The following ST8SIA2 variants were observed in gnomAD, a reference collection of about 807,000 sequenced individuals.
ST8SIA2 encodes ST8 alpha-N-acetyl-neuraminide alpha-2,8-sialyltransferase 2, also known as alpha-2,8-sialyltransferase 8B.
Under a neutral mutation model 37.6 loss-of-function variants are expected in ST8SIA2, and 22 were observed. The observed-to-expected ratio is 0.58, with a 90% CI of 0.42 to 0.83. The LOEUF is 0.83. Ranked by LOEUF, ST8SIA2 falls within the 40% of genes least tolerant of loss-of-function variation. The pLI is 0.00. For missense variants in ST8SIA2, 382 were observed against 484.7 expected (o/e 0.79, Z 1.99); for synonymous variants, 205 against 201.2 (o/e 1.02, Z -0.16).
At chr15:92,448,508 C>T (rs1476044753) in intron 5 of ST8SIA2, among the ~76,000 whole-genome samples, 1 of 152,224 alleles carries the variant, frequency 6.6e-6, no homozygotes. Flanking sequence ...GGCACTGTGG[C>T]CTAGCATCAA....
Position 92,393,967 on chromosome 15 carries a change from TGCGCGCG to T in ST8SIA2, c.-89_-83del, listed in dbSNP as rs1167293070. On this transcript the variant is annotated 5_prime_UTR_variant, in exon 1 of 6. Transcript: ENST00000268164. Reference sequence around the variant, plus strand: ...CCGGAGCGCAGGGTGTCTGCCCAGCTGCGCGCGGCGCGCGGAGGCTCCGGCGTCCGCC... The same window carrying T: ...CCGGAGCGCAGGGTGTCTGCCCAGCTGCGCGCGGAGGCTCCGGCGTCCGCC... The T allele has an allele frequency of 1.3e-6, 1 of 753,386 alleles. No individual in the cohort carries two copies. 46.7% of individuals were successfully genotyped at this position (753,386 alleles called of 1,614,324 possible). A position where few individuals can be genotyped will look rare whatever the true frequency, so the allele number is the denominator to read the frequency against.
At chr15:92,446,235 G>A (rs1279946016) in intron 5 of ST8SIA2, among the ~76,000 whole-genome samples, 3 of 152,138 alleles carry the variant, frequency 2.0e-5, no homozygotes, top group African/African-American at 4.8e-5. Context: ...TTATATTAGG[G>A]TTTCTCCAAA....
At chr15:92,462,108 CA>C (rs112688687) in intron 5 of ST8SIA2, among the ~76,000 whole-genome samples, 4,838 of 152,202 alleles carry the variant, frequency 0.032, 279 homozygotes, top group African/African-American at 0.11. Context: ...AGGGGCCACC[CA>C]AGGAGGCTCC....
chr15:92,419,654 T>G (rs994361580), intron 1 of ST8SIA2, among the ~76,000 whole-genome samples: 1 of 152,044 alleles, frequency 6.6e-6, no homozygotes, highest in African/African-American at 2.4e-5. Flanking sequence ...AGTAGGGAGC[T>G]CCAAAATTGG....
At chr15:92,419,529 G>A (rs1293798824) in intron 1 of ST8SIA2, among the ~76,000 whole-genome samples, 1 of 152,166 alleles carries the variant, frequency 6.6e-6, no homozygotes, top group Non-Finnish European at 1.5e-5. Context: ...CATGGTCTGG[G>A]GAGGGGGTGC....
intron 5 of ST8SIA2, among the ~76,000 whole-genome samples, chr15:92,454,784 G>A (rs1290562906): frequency 6.6e-6 from 1 of 151,902 alleles, no homozygotes; most frequent in East Asian, 1.9e-4. Flanking sequence ...CTGGCTGGCT[G>A]TTGGCTAGGA....
intron 5 of ST8SIA2, among the ~76,000 whole-genome samples, chr15:92,458,929 C>T (rs904954826): frequency 4.6e-5 from 7 of 152,130 alleles, no homozygotes; most frequent in African/African-American, 1.7e-4. Context: ...GACAGTAGAA[C>T]AAAGGCAATA....
chr15:92,442,595 G>A (rs889926186), intron 4 of ST8SIA2, among the ~76,000 whole-genome samples: 13 of 152,120 alleles, frequency 8.5e-5, no homozygotes, highest in African/African-American at 3.1e-4. Context: ...GGACCCTCAG[G>A]AAGGCCTTGG....
chr15:92,425,950 A>C (rs1479288203), intron 1 of ST8SIA2, among the ~76,000 whole-genome samples: 1 of 152,158 alleles, frequency 6.6e-6, no homozygotes, highest in Non-Finnish European at 1.5e-5. Context: ...TAACCCTGAG[A>C]GGGGCAGTTT....
At chr15:92,450,080 G>A (rs1315613154) in intron 5 of ST8SIA2, among the ~76,000 whole-genome samples, 1 of 152,104 alleles carries the variant, frequency 6.6e-6, no homozygotes, top group Non-Finnish European at 1.5e-5. Flanking sequence ...AAAAGCACAG[G>A]CAATGAAAGA....
At chr15:92,400,991 T>C (rs2049466027) in intron 1 of ST8SIA2, among the ~76,000 whole-genome samples, 2 of 152,206 alleles carry the variant, frequency 1.3e-5, no homozygotes, top group Non-Finnish European at 2.9e-5. Context: ...GGTGTTTTTA[T>C]TTGAAAACAC....
At chr15:92,437,004 A>G (rs2049763750) in intron 3 of ST8SIA2, among the ~76,000 whole-genome samples, 2 of 152,222 alleles carry the variant, frequency 1.3e-5, no homozygotes, top group Non-Finnish European at 2.9e-5. Flanking sequence ...AAGTGACTGA[A>G]TGTGCAGCCT....
chr15:92,400,413 C>T (rs2049461737), intron 1 of ST8SIA2, among the ~76,000 whole-genome samples: 1 of 152,210 alleles, frequency 6.6e-6, no homozygotes, highest in Non-Finnish European at 1.5e-5. Flanking sequence ...AGCATTCAGC[C>T]TCTCTGCTCC....
At chr15:92,438,000 G>A (rs1031259868) in intron 3 of ST8SIA2, among the ~76,000 whole-genome samples, 6 of 152,200 alleles carry the variant, frequency 3.9e-5, no homozygotes, top group Non-Finnish European at 8.8e-5. Flanking sequence ...CAGTGCCCGA[G>A]CCAGGCAGTC....
At chr15:92,395,437 C>G (rs769307338) in intron 1 of ST8SIA2, among the ~76,000 whole-genome samples, 1 of 152,188 alleles carries the variant, frequency 6.6e-6, no homozygotes, top group Non-Finnish European at 1.5e-5. Context: ...TGACAAGTGC[C>G]GCTTCCTGCT....
rs140545973 is a variant in ST8SIA2, at chr15:92,398,850, A to G, written c.98+4688A>G. On this transcript the variant is annotated intron_variant, in intron 1 of 5. Transcript: ENST00000268164. ...CTGAGCTAATAATGTTAACGAATAT[A>G]TCTGAAGACCAACTCATCCCCAGTG... 2.3e-3 allele frequency among the ~76,000 whole-genome samples: 353 copies of G among 152,314 alleles called. 3 individuals are homozygous for G. Among genetic ancestry groups the G allele is most frequent in the African/African-American group, 8.0e-3 (333 of 41,564 alleles).
rs139282072 is a variant in ST8SIA2 at position 92,444,903 on chromosome 15, G to A, written c.816G>A (p.Ser272=). 6 of 1,612,556 alleles carry A rather than the reference G, an allele frequency of 3.7e-6. No homozygotes were observed. The highest frequency in any genetic ancestry group is 2.2e-5 in the South Asian group (2 of 91,074). ...TCAACGTGCGCACTGCATACCCCTC[G>A]CTGCGCCTGCTGCACGCCGTTCGCG... ...HHVNVRTAYP[S]LRLLHAVRGY... Residue 272 remains serine, a synonymous_variant, in exon 5 of 6, where the codon TCG becomes TCA. Coordinates refer to ENST00000268164, the MANE Select transcript of ST8SIA2 (RefSeq NM_006011.4).
chr15:92,424,883 T>A (rs1421031583), intron 1 of ST8SIA2, among the ~76,000 whole-genome samples: 1 of 152,174 alleles, frequency 6.6e-6, no homozygotes, highest in Non-Finnish European at 1.5e-5. Context: ...AAGTAAAAAT[T>A]GACATTCTAA....
intron 5 of ST8SIA2, among the ~76,000 whole-genome samples, chr15:92,452,376 G>A (rs2049888081): frequency 6.6e-6 from 1 of 152,206 alleles, no homozygotes; most frequent in African/African-American, 2.4e-5. Context: ...TACCCACAAA[G>A]TCAAAACCAA....
Sources: gnomAD v4.1 joint callset for allele counts (sites outside exome capture counted in the v4.1 genomes callset) on GRCh38, gnomAD v4.1.1 for gene constraint, MANE v1.5 for transcripts, NCBI Gene and HGNC (gene_info 2026-07-23, HGNC 2026-07-21) for gene names.